Variants in ARHGAP23 observed in about 807,000 individuals in gnomAD.
The protein encoded by ARHGAP23 is rho GTPase-activating protein 23.
In ARHGAP23, 34 loss-of-function variants were observed where a neutral mutation model predicts 136.3. The ratio of observed to expected loss-of-function variants is 0.25; its 90% CI spans 0.19 to 0.33. The LOEUF (loss-of-function observed/expected upper bound fraction) is 0.33. ARHGAP23 is among the 10% of genes least tolerant of loss of function. ARHGAP23 has a pLI of 1.00. For missense variants in ARHGAP23, 1,808 were observed against 2,139.0 expected, an observed-to-expected ratio of 0.85 and a Z score of 3.05; for synonymous variants, 832 against 920.5, an observed-to-expected ratio of 0.90 and a Z score of 1.74.
At chr17:38,479,385 T>A (rs944361513) in intron 12 of ARHGAP23, 51 bp from the exon 13 acceptor site, 2 of 1,480,202 alleles carry the variant, frequency 1.4e-6, no homozygotes, top group African/African-American at 2.8e-5. Flanking sequence ...AGCCCTGGGG[T>A]GGGCTGGCTG....
chr17:38,432,132 T>C (rs533659176), intron 1 of ARHGAP23, among the ~76,000 whole-genome samples: 1 of 152,364 alleles, frequency 6.6e-6, no homozygotes, highest in East Asian at 1.9e-4. Flanking sequence ...CATATCCGTC[T>C]ACCCTACCAG....
rs1263068874 is a variant in ARHGAP23, at chr17:38,477,751, A to T, written c.2291A>T (p.Asp764Val). 1 of 1,549,016 alleles carries T rather than the reference A, an allele frequency of 6.5e-7. No homozygotes were observed. Among genetic ancestry groups the T allele is most frequent in the South Asian group, 1.2e-5 (1 of 84,030 alleles). The part of the protein sequence containing the change: ...APVCIGSCLV[D>V]ISYSETKRRH... ...GTCTGCATCGGCTCCTGCCTCGTGGACATCTCCTACAGCGAGACCAAGAGG... is the reference window on the plus strand; with the variant it reads ...GTCTGCATCGGCTCCTGCCTCGTGGTCATCTCCTACAGCGAGACCAAGAGG... The change falls in exon 12 of 24, where the codon GAC becomes GTC. Residue 764 changes from aspartate to valine, a missense_variant. Physicochemically the swap from Asp to Val is radical, Grantham distance 152. Transcript: ENST00000622683. The surrounding 1 kb of genome is among the most constrained non-coding windows in gnomAD (Gnocchi z 6.6).
Position 38,477,852 on chromosome 17 carries a change from G to T in ARHGAP23, c.2392G>T (p.Gly798Cys). The T allele has an allele frequency of 6.5e-7, 1 of 1,549,166 alleles. No individual in the cohort carries two copies. The highest frequency in any genetic ancestry group is 1.2e-5 in the South Asian group (1 of 84,004). Residue 798 changes from glycine (G) to cysteine (C), a missense_variant, in exon 12 of 24, where the codon GGC becomes TGC. Physicochemically the swap from Gly to Cys is radical, Grantham distance 159. Around this residue, in one of 7 missense-constraint regions of ARHGAP23, gnomAD observed 139 missense variants for 264.3 expected, o/e 0.53. Transcript: ENST00000622683. This position sits in a 1 kb window ranked among gnomAD's most constrained non-coding sequence, Gnocchi z 6.6. The stretch of plus-strand genomic sequence containing the variant: ...GGCTGAGGACCGGGATGACATGCTG[G>T]GCTGGATCAGAGCGATCCGGGAGAA... Reference protein sequence around the residue: ...FQAEDRDDMLGWIRAIRENSR... With the variant: ...FQAEDRDDMLCWIRAIRENSR...
At chr17:38,453,740 C>G (rs1281197916) in intron 1 of ARHGAP23, 12 of 148,172 alleles carry the variant, frequency 8.1e-5, no homozygotes, top group Non-Finnish European at 1.5e-5. Context: ...GCCGTCCTGC[C>G]GCCGTCCGCG....
At chr17:38,464,301 C>T (rs2039531032) in intron 6 of ARHGAP23, among the ~76,000 whole-genome samples, 1 of 152,098 alleles carries the variant, frequency 6.6e-6, no homozygotes. Flanking sequence ...CACACACACA[C>T]ACACACACTC....
chr17:38,435,321 G>C (rs1479484497), intron 1 of ARHGAP23, among the ~76,000 whole-genome samples: 1 of 152,148 alleles, frequency 6.6e-6, no homozygotes, highest in Non-Finnish European at 1.5e-5. Context: ...TCAGGTTGTT[G>C]AGTTGTCATA....
chr17:38,453,795 C>A (rs1202110338), intron 1 of ARHGAP23: 1 of 144,566 alleles, frequency 6.9e-6, no homozygotes, highest in Non-Finnish European at 1.5e-5. Flanking sequence ...GGGCCCGCGG[C>A]TCCGGGGGGC....
intron 1 of ARHGAP23, among the ~76,000 whole-genome samples, chr17:38,422,444 G>A (rs921017229): frequency 8.5e-5 from 13 of 152,138 alleles, no homozygotes; most frequent in African/African-American, 2.9e-4. Flanking sequence ...CCGTGCCACC[G>A]GCCTTCCCTG....
Position 38,479,417 on chromosome 17 carries a change from C to T in ARHGAP23, c.2437-19C>T, listed in dbSNP as rs373425264. The T allele has an allele frequency of 4.5e-6, 7 of 1,538,772 alleles. No homozygotes were observed. The highest frequency in any genetic ancestry group is 1.2e-5 in the South Asian group (1 of 83,744). On this transcript the variant is annotated intron_variant, in intron 12 of 23. Transcript: ENST00000622683. Reference sequence around the variant, plus strand: ...GCTGTGGGCACTGACATGATCCGCTCTCTCCTCTCCTGCTTCAGGACCCCG... The same window carrying T: ...GCTGTGGGCACTGACATGATCCGCTTTCTCCTCTCCTGCTTCAGGACCCCG...
chr17:38,499,735 G>C (rs576908385), intron 22 of ARHGAP23, among the ~76,000 whole-genome samples: 2 of 152,264 alleles, frequency 1.3e-5, no homozygotes, highest in East Asian at 1.9e-4. Flanking sequence ...AGGGGGAGGG[G>C]TCCGGAGAGG....
intron 1 of ARHGAP23, 71 bp downstream of exon 1, chr17:38,428,619 G>C (rs1023719723): frequency 9.1e-7 from 1 of 1,093,978 alleles, no homozygotes; most frequent in African/African-American, 1.7e-5. Context: ...AGCCAGGGTC[G>C]CTGCGACCCC....
intron 23 of ARHGAP23, among the ~76,000 whole-genome samples, chr17:38,508,584 C>CA (rs1283415662): frequency 6.6e-6 from 1 of 151,998 alleles, no homozygotes; most frequent in Non-Finnish European, 1.5e-5. Context: ...GAGGAGAGAC[C>CA]CGGGCTGGGG....
chr17:38,508,664 CGGA>C (rs1000741687), intron 23 of ARHGAP23, among the ~76,000 whole-genome samples: 2 of 151,928 alleles, frequency 1.3e-5, no homozygotes, highest in African/African-American at 2.4e-5. Flanking sequence ...GAGGGCCTGC[CGGA>C]GGAGGAGGAG....
At chr17:38,475,923 G>A (rs865843471) in intron 11 of ARHGAP23, among the ~76,000 whole-genome samples, 1 of 152,192 alleles carries the variant, frequency 6.6e-6, no homozygotes, top group Non-Finnish European at 1.5e-5. Flanking sequence ...CAGATCTGAA[G>A]GGGAAGAAGG....
chr17:38,504,425 G>A lies in ARHGAP23; in HGVS notation c.3447+3797G>A, dbSNP rs66669418. 4.1e-3 allele frequency among the ~76,000 whole-genome samples: 629 copies of A among 152,296 alleles called. 1 individual carries two copies. Among genetic ancestry groups the A allele is most frequent in the Middle Eastern group, 6.8e-3 (2 of 294 alleles). ...TGCGGCCTCCTGTCCCGGCTGTAAGGAAGGGGCTGCCTCGGGCACCAGGGC... is the reference window on the plus strand; with the variant it reads ...TGCGGCCTCCTGTCCCGGCTGTAAGAAAGGGGCTGCCTCGGGCACCAGGGC... On this transcript the variant is annotated intron_variant, in intron 23 of 23. Coordinates refer to ENST00000622683, the MANE Select transcript of ARHGAP23 (RefSeq NM_001199417.2).
intron 20 of ARHGAP23, among the ~76,000 whole-genome samples, chr17:38,496,728 C>T (rs1330753361): frequency 1.3e-5 from 2 of 152,028 alleles, no homozygotes; most frequent in African/African-American, 2.4e-5. Context: ...TGGAGGTGGG[C>T]GGATCACTTG....
intron 1 of ARHGAP23, among the ~76,000 whole-genome samples, chr17:38,443,941 T>G (rs2038975751): frequency 6.6e-6 from 1 of 152,076 alleles, no homozygotes; most frequent in African/African-American, 2.4e-5. Context: ...AGCTTTCCCC[T>G]AGTCTCCTCT....
intron 1 of ARHGAP23, among the ~76,000 whole-genome samples, chr17:38,457,009 A>G (rs1433511562): frequency 2.6e-5 from 4 of 152,094 alleles, no homozygotes; most frequent in African/African-American, 4.8e-5. Flanking sequence ...TCCTGGGTTC[A>G]AGCGATTCTC....
At chr17:38,468,085 A>G (rs2039656066) in intron 7 of ARHGAP23, among the ~76,000 whole-genome samples, 1 of 152,250 alleles carries the variant, frequency 6.6e-6, no homozygotes, top group Non-Finnish European at 1.5e-5. Flanking sequence ...CATTTGGGCT[A>G]AGACTTGAAG....
Sources: gnomAD v4.1 joint callset for allele counts (sites outside exome capture counted in the v4.1 genomes callset) on GRCh38, gnomAD v4.1.1 for gene constraint, gnomAD v4.1.1 regional missense constraint, Gnocchi (gnomAD v3.1) non-coding constraint, MANE v1.5 for transcripts, NCBI Gene and HGNC (gene_info 2026-07-23, HGNC 2026-07-21) for gene names.